The following DAB1 variants were observed in gnomAD, a reference collection of about 807,000 sequenced individuals.
DAB1 encodes DAB adaptor protein 1, also known as disabled homolog 1.
A neutral mutation model predicts 64.6 loss-of-function variants in DAB1; 15 were observed. That is an observed-to-expected ratio of 0.23 (90% CI 0.16 to 0.36). DAB1 has a LOEUF of 0.36. DAB1 is among the 10% of genes least tolerant of loss of function. The probability of loss-of-function intolerance (pLI) is 1.00; values close to 1 mark genes in which losing one functional copy is unlikely to be tolerated. For missense variants in DAB1, 596 were observed against 706.7 expected (o/e 0.84, Z 1.78); for synonymous variants, 235 against 251.9 (o/e 0.93, Z 0.64).
At chr1:58,004,709 A>G (rs1646554734) in intron 5 of DAB1, among the ~76,000 whole-genome samples, 1 of 152,202 alleles carries the variant, frequency 6.6e-6, no homozygotes, top group Non-Finnish European at 1.5e-5. Context: ...CCTGAAGTAC[A>G]GTGAACAACC....
chr1:57,281,885 G>A (rs1293461968), intron 2 of DAB1, among the ~76,000 whole-genome samples: 2 of 152,010 alleles, frequency 1.3e-5, no homozygotes, highest in Non-Finnish European at 2.9e-5. Context: ...AATTAATTGA[G>A]GATGTTAGGA....
rs1294074144 is a variant in DAB1, at chr1:57,072,360, T to C, written c.361A>G (p.Thr121Ala). ...HEISYIAKDITDHRAFGYVCG... is the reference protein window; with the variant it reads ...HEISYIAKDIADHRAFGYVCG... ...ACATATCCAAAGGCCCGGTGATCTG[T>C]AATGTCCTTTGCAATGTAGGATATT... Residue 121 changes from threonine to alanine, a missense_variant, in exon 5 of 15, where the codon ACA (threonine) becomes GCA (alanine). Around this residue, in one of 3 missense-constraint regions of DAB1, gnomAD observed 176 missense variants for 266.7 expected, o/e 0.66. Transcript: ENST00000371236. 1.2e-6 allele frequency: 2 copies of C among 1,613,866 alleles called. No individual in the cohort carries two copies. The highest frequency in any genetic ancestry group is 1.7e-6 in the Non-Finnish European group (2 of 1,179,804).
intron 6 of DAB1, among the ~76,000 whole-genome samples, chr1:57,674,104 A>G (rs1235893689): frequency 6.6e-6 from 1 of 152,206 alleles, no homozygotes; most frequent in Non-Finnish European, 1.5e-5. Flanking sequence ...AGCTTAAAAG[A>G]TTTTTTAAAT....
intron 4 of DAB1, among the ~76,000 whole-genome samples, chr1:58,308,738 G>A (rs143581532): frequency 4.7e-4 from 72 of 152,180 alleles, no homozygotes; most frequent in African/African-American, 1.4e-3. Flanking sequence ...CTGCCACTTC[G>A]CTCTCCCTCT....
At chr1:57,689,655 A>C (rs1029552702) in intron 6 of DAB1, among the ~76,000 whole-genome samples, 3 of 152,188 alleles carry the variant, frequency 2.0e-5, no homozygotes, top group Admixed American at 6.6e-5. Flanking sequence ...AGGTACATAA[A>C]TTTATGGGGT....
Position 57,975,356 on chromosome 1 carries a change from T to C in DAB1, n.388-91194A>G, listed in dbSNP as rs977256260. Among the ~76,000 whole-genome samples, 49 of 152,126 alleles carry C rather than the reference T, an allele frequency of 3.2e-4. 1 individual carries two copies. Among genetic ancestry groups the C allele is most frequent in the Admixed American group, 3.1e-3 (47 of 15,270 alleles). On this transcript the variant is annotated intron_variant and non_coding_transcript_variant, in intron 5 of 20. Transcript: ENST00000485760. Reference sequence around the variant, plus strand: ...AGCAGACCACTGCAATCCAAGGTGTTGAGTGTTTAAAGAGGGCAATACTGA... The same window carrying C: ...AGCAGACCACTGCAATCCAAGGTGTCGAGTGTTTAAAGAGGGCAATACTGA...
intron 2 of DAB1, among the ~76,000 whole-genome samples, chr1:57,213,510 C>A (rs1666189800): frequency 6.6e-6 from 1 of 152,120 alleles, no homozygotes; most frequent in Admixed American, 6.6e-5. Flanking sequence ...ATCCAAAAAA[C>A]ACTTTCCCTA....
intron 5 of DAB1, among the ~76,000 whole-genome samples, chr1:58,118,507 C>T (rs182576821): frequency 0.071 from 4,829 of 68,294 alleles, 161 homozygotes; most frequent in Non-Finnish European, 0.11. Flanking sequence ...TATATATACA[C>T]ACACACACAC....
intron 7 of DAB1, among the ~76,000 whole-genome samples, chr1:57,563,585 C>T (rs2263446): frequency 0.16 from 24,483 of 152,120 alleles, 2,143 homozygotes; most frequent in South Asian, 0.33. Flanking sequence ...TGGGTCACTC[C>T]CACCCTAATA....
At chr1:58,458,312 C>G (rs1645210343) in intron 3 of DAB1, among the ~76,000 whole-genome samples, 1 of 152,130 alleles carries the variant, frequency 6.6e-6, no homozygotes, top group African/African-American at 2.4e-5. Flanking sequence ...CAGGCAGACA[C>G]TTTCTATATA....
At chr1:57,986,642 G>A (rs4912290) in intron 5 of DAB1, among the ~76,000 whole-genome samples, 132,000 of 152,090 alleles carry the variant, frequency 0.87, 57,714 homozygotes, top group Middle Eastern at 0.94. Flanking sequence ...ATGAGAAACC[G>A]CAATTCAGGA....
chr1:57,581,037 C>T (rs1239454502), intron 7 of DAB1, among the ~76,000 whole-genome samples: 1 of 152,214 alleles, frequency 6.6e-6, no homozygotes, highest in Non-Finnish European at 1.5e-5. Context: ...GTCTACTGAC[C>T]TGTGTGTGGG....
chr1:57,107,068 C>T lies in DAB1; in HGVS notation c.306+29475G>A, dbSNP rs921608925. Among the ~76,000 whole-genome samples, 31 of 151,914 alleles carry T rather than the reference C, an allele frequency of 2.0e-4. 1 individual carries two copies. The highest frequency in any genetic ancestry group is 6.8e-4 in the African/African-American group (28 of 41,360). On this transcript the variant is annotated intron_variant, in intron 4 of 14. Transcript: ENST00000371236. Reference sequence around the variant, plus strand: ...AGGCATAGTACGTAAAAAGATTTCCCCAAGTATTAAAAAAAATCAACCCAG... The same window carrying T: ...AGGCATAGTACGTAAAAAGATTTCCTCAAGTATTAAAAAAAATCAACCCAG...
At chr1:57,013,620 G>A (rs1353411795) in intron 12 of DAB1, among the ~76,000 whole-genome samples, 1 of 152,090 alleles carries the variant, frequency 6.6e-6, no homozygotes, top group East Asian at 1.9e-4. Flanking sequence ...TAACATTAGG[G>A]GTGTTTTTTT....
intron 4 of DAB1, among the ~76,000 whole-genome samples, chr1:58,155,081 G>T (rs1315976545): frequency 6.6e-6 from 1 of 152,196 alleles, no homozygotes; most frequent in African/African-American, 2.4e-5. Flanking sequence ...CAGCTCAGAA[G>T]AGGGCCTCAG....
In DAB1 at chr1:57,399,937, C is replaced by T. The variant is rs114552979; in HGVS notation, c.-137+23993G>A. On this transcript the variant is annotated intron_variant, in intron 1 of 14. Transcript: ENST00000371236. ...AAATGATAATTGCTCTATATGGGTACAGCTGGATTAGAATAGCCTGTCTTA... is the reference window on the plus strand; with the variant it reads ...AAATGATAATTGCTCTATATGGGTATAGCTGGATTAGAATAGCCTGTCTTA... Among the ~76,000 whole-genome samples, 963 of 152,278 alleles carry T rather than the reference C, an allele frequency of 6.3e-3. 17 individuals are homozygous for T. Among genetic ancestry groups the T allele is most frequent in the African/African-American group, 0.022 (923 of 41,552 alleles).
intron 4 of DAB1, among the ~76,000 whole-genome samples, chr1:58,296,202 AAAGAAAGAAAG>A (rs1557724827): frequency 2.2e-5 from 2 of 89,176 alleles, no homozygotes; most frequent in African/African-American, 9.8e-5. Context: ...AAAGAGAAAG[AAAGAAAGAAAG>A]AAAGAAAGAA....
intron 2 of DAB1, among the ~76,000 whole-genome samples, chr1:58,522,359 T>C (rs538574767): frequency 6.6e-6 from 1 of 152,194 alleles, no homozygotes; most frequent in Non-Finnish European, 1.5e-5. Context: ...TTGATAAAAT[T>C]TAATATATAT....
At chr1:57,039,149 C>T (rs563542015) in intron 9 of DAB1, among the ~76,000 whole-genome samples, 3 of 152,324 alleles carry the variant, frequency 2.0e-5, no homozygotes, top group East Asian at 3.9e-4. Flanking sequence ...CAAACTGCTG[C>T]TCCATCACTG....
Sources: allele counts gnomAD v4.1 joint callset (sites outside exome capture counted in the v4.1 genomes callset), GRCh38; gene constraint gnomAD v4.1.1; regional missense constraint gnomAD v4.1.1; transcripts MANE v1.5; gene names NCBI Gene and HGNC (gene_info 2026-07-23, HGNC 2026-07-21).